FREM2: variants seen among roughly 807,000 people sequenced by gnomAD.
FREM2 encodes FRAS1-related extracellular matrix protein 2.
Under a neutral mutation model 219.9 loss-of-function variants are expected in FREM2, and 119 were observed. That is an observed-to-expected ratio of 0.54 (90% CI 0.47 to 0.63). FREM2 has a LOEUF of 0.63. Ranked by LOEUF, FREM2 falls within the 30% of genes least tolerant of loss-of-function variation. FREM2 has a pLI of 0.00. For synonymous variants in FREM2, 1,562 were observed against 1,522.8 expected (o/e 1.03, Z -0.60); for missense variants, 4,030 against 3,993.6 (o/e 1.01, Z -0.25).
intron 4 of FREM2, among the ~76,000 whole-genome samples, chr13:38,770,359 G>A (rs928433933): frequency 1.3e-5 from 2 of 151,694 alleles, no homozygotes; most frequent in Non-Finnish European, 2.9e-5. Context: ...TGCCCAGCCA[G>A]GGATGCTATA....
intron 4 of FREM2, among the ~76,000 whole-genome samples, chr13:38,773,609 T>C (rs1202693613): frequency 6.6e-6 from 1 of 152,154 alleles, no homozygotes; most frequent in African/African-American, 2.4e-5. Context: ...GTTGTTTTTT[T>C]TGTAGAGACA....
chr13:38,700,459 T>C (rs1193668603), intron 2 of FREM2, among the ~76,000 whole-genome samples: 3 of 152,120 alleles, frequency 2.0e-5, no homozygotes, highest in Admixed American at 2.0e-4. Context: ...TTGGACTTAA[T>C]ACACGTTGGT....
At chr13:38,790,025 G>T (rs1211596923) in intron 6 of FREM2, among the ~76,000 whole-genome samples, 2 of 152,094 alleles carry the variant, frequency 1.3e-5, no homozygotes, top group African/African-American at 4.8e-5. Flanking sequence ...AACCCTGAGA[G>T]TAGTTTTGCT....
intron 6 of FREM2, among the ~76,000 whole-genome samples, chr13:38,845,669 T>A (rs1464023599): frequency 6.6e-6 from 1 of 152,206 alleles, no homozygotes; most frequent in Non-Finnish European, 1.5e-5. Context: ...TCTATATAAC[T>A]CAAAATAAAT....
chr13:38,771,060 A>T (rs192542077), intron 4 of FREM2, among the ~76,000 whole-genome samples: 1 of 152,308 alleles, frequency 6.6e-6, no homozygotes, highest in East Asian at 1.9e-4. Flanking sequence ...AGTACATGAA[A>T]TGGAGACCTG....
intron 2 of FREM2, among the ~76,000 whole-genome samples, chr13:38,752,049 C>G (rs750089692): frequency 6.6e-6 from 1 of 152,216 alleles, no homozygotes; most frequent in African/African-American, 2.4e-5. Context: ...AATAATACTA[C>G]ACGCTAAGCA....
intron 3 of FREM2, among the ~76,000 whole-genome samples, chr13:38,765,201 C>T (rs564204335): frequency 2.0e-5 from 3 of 152,284 alleles, no homozygotes; most frequent in East Asian, 3.9e-4. Flanking sequence ...TGAGCCACCG[C>T]GCCCGGCCTC....
chr13:38,873,418 A>C (rs1160074006), intron 17 of FREM2, among the ~76,000 whole-genome samples: 4 of 152,210 alleles, frequency 2.6e-5, no homozygotes, highest in African/African-American at 9.6e-5. Context: ...CATATTGCTT[A>C]ACCTTTCTGG....
At chr13:38,838,719 A>G (rs1034277513) in intron 6 of FREM2, among the ~76,000 whole-genome samples, 2 of 152,096 alleles carry the variant, frequency 1.3e-5, no homozygotes, top group East Asian at 1.9e-4. Context: ...TTGATCTTCA[A>G]TCTCTGATAT....
At chr13:38,695,563 C>T (rs1331234574) in intron 1 of FREM2, among the ~76,000 whole-genome samples, 1 of 152,142 alleles carries the variant, frequency 6.6e-6, no homozygotes, top group Non-Finnish European at 1.5e-5. Flanking sequence ...TGCCTTTTCT[C>T]CTAGTAGAGC....
At chr13:38,749,010 G>C (rs539794985) in intron 2 of FREM2, among the ~76,000 whole-genome samples, 1 of 152,148 alleles carries the variant, frequency 6.6e-6, no homozygotes, top group Non-Finnish European at 1.5e-5. Flanking sequence ...TGGGAGTCTG[G>C]ATAACTTGTG....
chr13:38,832,070 T>C (rs751779169), intron 6 of FREM2, among the ~76,000 whole-genome samples: 10 of 152,076 alleles, frequency 6.6e-5, no homozygotes, highest in Non-Finnish European at 1.3e-4. Context: ...ATCCTACCTG[T>C]CTTGGAGGCC....
rs181564966 is a variant in FREM2, at chr13:38,876,077, C to T, written c.8337C>T (p.Ser2779=). 2.3e-4 allele frequency: 373 copies of T among 1,613,934 alleles called. 1 individual carries two copies. The highest frequency in any genetic ancestry group is 1.8e-3 in the Admixed American group (106 of 60,016). The change falls in exon 19 of 24, where the codon TCC becomes TCT. Residue 2779 remains serine (S), a synonymous_variant. Coordinates refer to ENST00000280481, the MANE Select transcript of FREM2 (RefSeq NM_207361.6). ...MSADHPGLTF[S]LRLIRSEPTY... Reference sequence around the variant, plus strand: ...CTGATCATCCAGGCCTGACATTTTCCCTCCGCCTCATAAGGAGTGAACCAA... The same window carrying T: ...CTGATCATCCAGGCCTGACATTTTCTCTCCGCCTCATAAGGAGTGAACCAA...
At chr13:38,766,308 G>A (rs912800875) in intron 3 of FREM2, among the ~76,000 whole-genome samples, 3 of 151,556 alleles carry the variant, frequency 2.0e-5, no homozygotes, top group African/African-American at 4.9e-5. Context: ...TATTTTCTAC[G>A]AATGTGGGGT....
intron 4 of FREM2, among the ~76,000 whole-genome samples, chr13:38,775,479 C>T (rs1354018487): frequency 1.3e-5 from 2 of 152,168 alleles, no homozygotes; most frequent in Non-Finnish European, 2.9e-5. Context: ...AAGTATAGCA[C>T]ATAGTTTCTG....
In FREM2 at chr13:38,880,266, T is replaced by G. The variant is rs779819036; in HGVS notation, c.9007-18T>G. 17 of 1,611,866 alleles carry G rather than the reference T, an allele frequency of 1.1e-5. No individual in the cohort carries two copies. Among genetic ancestry groups the G allele is most frequent in the Non-Finnish European group, 1.4e-5 (16 of 1,178,842 alleles). The stretch of plus-strand genomic sequence containing the variant: ...ATGGTATCTAGTATTTCCTAATAAA[T>G]AGAGTTGTGCTTTCTAGGTCGCTCT... On this transcript the variant is annotated intron_variant, in intron 23 of 23. Coordinates refer to ENST00000280481, the MANE Select transcript of FREM2 (RefSeq NM_207361.6).
chr13:38,883,787 A>C lies in FREM2; in HGVS notation c.*3000A>C, dbSNP rs529616424. ...CAACAGTCATTATCTGTGAACCATAATTTAAAAATCTTTCTAGAATAACAA... is the reference window on the plus strand; with the variant it reads ...CAACAGTCATTATCTGTGAACCATACTTTAAAAATCTTTCTAGAATAACAA... On this transcript the variant is annotated 3_prime_UTR_variant, in exon 24 of 24. Transcript: ENST00000280481. The C allele has an allele frequency of 6.6e-6, 1 of 152,292 alleles. No individual in the cohort carries two copies. Among genetic ancestry groups the C allele is most frequent in the East Asian group, 1.9e-4 (1 of 5,182 alleles). The allele number at this position is 152,292 out of a possible 1,614,324, so 9.4% of individuals were successfully genotyped here. A position where few individuals can be genotyped will look rare whatever the true frequency, so the allele number is the denominator to read the frequency against.
intron 2 of FREM2, among the ~76,000 whole-genome samples, chr13:38,698,814 A>G (rs1324534991): frequency 1.3e-5 from 2 of 152,172 alleles, no homozygotes; most frequent in Admixed American, 6.5e-5. Flanking sequence ...ACACAACATG[A>G]TCACAGTTCT....
At chr13:38,722,433 G>A (rs1871317857) in intron 2 of FREM2, among the ~76,000 whole-genome samples, 1 of 151,948 alleles carries the variant, frequency 6.6e-6, no homozygotes, top group Non-Finnish European at 1.5e-5. Context: ...AAAAACACTG[G>A]ATTTAAGAGA....
Sources: gnomAD v4.1 joint callset for allele counts (sites outside exome capture counted in the v4.1 genomes callset) on GRCh38, gnomAD v4.1.1 for gene constraint, MANE v1.5 for transcripts, NCBI Gene and HGNC (gene_info 2026-07-23, HGNC 2026-07-21) for gene names.